ANO4: variants seen among roughly 807,000 people sequenced by gnomAD.
ANO4 encodes the protein anoctamin-4.
In ANO4, 69 loss-of-function variants were observed where a neutral mutation model predicts 141.9. That is an observed-to-expected ratio of 0.49 (90% CI 0.40 to 0.59). ANO4 has a LOEUF of 0.59. Among genes scored for constraint, ANO4 ranks in the 20% least tolerant of loss-of-function variants. The pLI is 0.00. For synonymous variants in ANO4, 350 were observed against 394.3 expected (o/e 0.89, Z 1.33); for missense variants, 894 against 1,162.2 (o/e 0.77, Z 3.36).
chr12:100,967,974 A>G (rs2043753483), intron 5 of ANO4, among the ~76,000 whole-genome samples: 1 of 152,208 alleles, frequency 6.6e-6, no homozygotes, highest in Non-Finnish European at 1.5e-5. Flanking sequence ...TGGGTGAGCC[A>G]CTTGTCACCT....
intron 14 of ANO4, among the ~76,000 whole-genome samples, chr12:101,070,460 A>G (rs1282237788): frequency 6.6e-6 from 1 of 152,206 alleles, no homozygotes; most frequent in Non-Finnish European, 1.5e-5. Flanking sequence ...CTGGATATCC[A>G]TATGCAGAAT....
At chr12:100,738,205 G>A (rs2031694874) in intron 2 of ANO4, among the ~76,000 whole-genome samples, 3 of 152,108 alleles carry the variant, frequency 2.0e-5, no homozygotes, top group Admixed American at 2.0e-4. Flanking sequence ...CCCTCCCCAA[G>A]AGGGGACATG....
chr12:101,055,618 A>G (rs2048084285), intron 14 of ANO4, among the ~76,000 whole-genome samples: 1 of 151,986 alleles, frequency 6.6e-6, no homozygotes, highest in Non-Finnish European at 1.5e-5. Flanking sequence ...TCCCTGTCTG[A>G]GTCTTGCATT....
rs544362161 is a variant in ANO4, at chr12:100,997,475, G to A, written c.734+9805G>A. The stretch of plus-strand genomic sequence containing the variant: ...CATGTGAAGACATCTGATTTCCTTT[G>A]GAATTTATTGTTAAAGCATTCGAGA... On this transcript the variant is annotated intron_variant, in intron 8 of 27. Transcript: ENST00000392977. Among the ~76,000 whole-genome samples, 9 of 151,650 alleles carry A rather than the reference G, an allele frequency of 5.9e-5. No homozygotes were observed. The South Asian group carries it at 1.9e-3, about 32-fold the overall frequency.
At position 100,901,758 on chromosome 12, in the gene ANO4, A is replaced by G; in HGVS notation, c.-28A>G. The G allele has an allele frequency of 6.2e-7, 1 of 1,610,400 alleles. No individual in the cohort carries two copies. Among genetic ancestry groups the G allele is most frequent in the East Asian group, 2.2e-5 (1 of 44,832 alleles). On this transcript the variant is annotated 5_prime_UTR_variant, in exon 2 of 28. Transcript: ENST00000392977. ...GCCTGCCTGTGGTCAGGCATTCCTCACTCCCACCAGGCAGAAGGTCAATAA... is the reference window on the plus strand; with the variant it reads ...GCCTGCCTGTGGTCAGGCATTCCTCGCTCCCACCAGGCAGAAGGTCAATAA...
In ANO4 at chr12:100,797,996, A is replaced by G. The variant is rs1172712179; in HGVS notation, c.-141+2969A>G. On this transcript the variant is annotated intron_variant, in intron 1 of 27. Transcript: ENST00000392977. Reference sequence around the variant, plus strand: ...TATAAATATAACCTCATACTTCTGCAGGCATTCTTATCATTGAAACTGTTT... The same window carrying G: ...TATAAATATAACCTCATACTTCTGCGGGCATTCTTATCATTGAAACTGTTT... 3.3e-5 allele frequency among the ~76,000 whole-genome samples: 5 copies of G among 152,234 alleles called. No individual in the cohort carries two copies. In the East Asian group the frequency reaches 7.7e-4, roughly 23 times the overall value.
At chr12:101,023,004 G>A (rs148149138) in intron 9 of ANO4, among the ~76,000 whole-genome samples, 39 of 152,256 alleles carry the variant, frequency 2.6e-4, no homozygotes, top group African/African-American at 8.4e-4. Context: ...CTCTCAAAAC[G>A]ACTCTTTATG....
chr12:101,054,600 C>T (rs559415890), intron 14 of ANO4, among the ~76,000 whole-genome samples: 4 of 152,170 alleles, frequency 2.6e-5, no homozygotes, highest in Non-Finnish European at 5.9e-5. Context: ...CCCGGCTTCA[C>T]GCCATTCTCC....
upstream of ANO4, among the ~76,000 whole-genome samples, chr12:100,792,515 A>G (rs756508640): frequency 6.6e-6 from 1 of 152,244 alleles, no homozygotes; most frequent in Non-Finnish European, 1.5e-5. Context: ...CAATCTGTAC[A>G]TTACAAAAAT....
intron 1 of ANO4, among the ~76,000 whole-genome samples, chr12:100,853,827 A>G (rs1270431308): frequency 2.6e-5 from 4 of 152,122 alleles, no homozygotes; most frequent in Non-Finnish European, 5.9e-5. Flanking sequence ...TTTAACTACA[A>G]TCTTCCCATT....
chr12:100,920,496 T>C (rs535167976), intron 2 of ANO4, among the ~76,000 whole-genome samples: 1,172 of 100,922 alleles, frequency 0.012, 15 homozygotes, highest in African/African-American at 0.034. Flanking sequence ...TTAGTTGAGA[T>C]TGAAAAGCAT....
chr12:100,856,482 C>T (rs10507120), intron 1 of ANO4, among the ~76,000 whole-genome samples: 1 of 151,860 alleles, frequency 6.6e-6, no homozygotes, highest in African/African-American at 2.4e-5. Context: ...ATAGGGTCAA[C>T]TTCTGTAGCC....
intron 3 of ANO4, among the ~76,000 whole-genome samples, chr12:100,776,143 G>A (rs1426521479): frequency 1.3e-5 from 2 of 152,202 alleles, no homozygotes; most frequent in Non-Finnish European, 2.9e-5. Context: ...GAGGGGAAAT[G>A]GAAGCACTGA....
chr12:100,761,461 C>G (rs1229192978), intron 3 of ANO4, among the ~76,000 whole-genome samples: 1 of 152,198 alleles, frequency 6.6e-6, no homozygotes, highest in African/African-American at 2.4e-5. Flanking sequence ...AAATCAGGAA[C>G]AAACTTTTAG....
chr12:100,735,715 C>G lies in ANO4; in HGVS notation c.106+1858C>G, dbSNP rs117042270. ...GTAAGTGTTCCCTGAGATTTTGCATCAGGGTGACAGAGTCTGAGCTGTTCC... is the reference window on the plus strand; with the variant it reads ...GTAAGTGTTCCCTGAGATTTTGCATGAGGGTGACAGAGTCTGAGCTGTTCC... On this transcript the variant is annotated intron_variant, in intron 2 of 29. Coordinates refer to the ANO4 transcript ENST00000644049. Among the ~76,000 whole-genome samples, 201 of 152,160 alleles carry G rather than the reference C, an allele frequency of 1.3e-3. No homozygotes were observed. In the Middle Eastern group the frequency reaches 0.02, roughly 15 times the overall value.
chr12:100,996,001 CA>C (rs1224246157), intron 8 of ANO4, among the ~76,000 whole-genome samples: 6 of 152,152 alleles, frequency 3.9e-5, no homozygotes, highest in Non-Finnish European at 8.8e-5. Context: ...CGGTCAACCA[CA>C]ATGGTCAATT....
intron 5 of ANO4, among the ~76,000 whole-genome samples, chr12:100,951,297 CAG>C (rs1262030878): frequency 1.3e-5 from 2 of 152,132 alleles, no homozygotes; most frequent in African/African-American, 4.8e-5. Flanking sequence ...GAGCTAAAAA[CAG>C]AACTACCATT....
intron 13 of ANO4, among the ~76,000 whole-genome samples, chr12:101,047,304 C>A (rs2047672585): frequency 6.6e-6 from 1 of 152,048 alleles, no homozygotes; most frequent in Non-Finnish European, 1.5e-5. Context: ...ACAGTCCAGT[C>A]AAATACCGCT....
chr12:100,966,838 T>C (rs2043680842), intron 5 of ANO4, among the ~76,000 whole-genome samples: 2 of 150,332 alleles, frequency 1.3e-5, no homozygotes, highest in South Asian at 4.2e-4. Flanking sequence ...CACATATATA[T>C]ACACACACAC....
Sources: allele counts gnomAD v4.1 joint callset (sites outside exome capture counted in the v4.1 genomes callset), GRCh38; gene constraint gnomAD v4.1.1; transcripts MANE v1.5; gene names NCBI Gene and HGNC (gene_info 2026-07-23, HGNC 2026-07-21).